The following LRRTM4 variants were observed in gnomAD, a reference collection of about 807,000 sequenced individuals.
LRRTM4 encodes the protein leucine rich repeat transmembrane neuronal 4.
In LRRTM4, 25 loss-of-function variants were observed where a neutral mutation model predicts 47.6. The ratio of observed to expected loss-of-function variants is 0.53; its 90% confidence interval spans 0.38 to 0.73. The LOEUF is 0.73. Ranked by LOEUF, LRRTM4 falls within the 30% of genes least tolerant of loss-of-function variation. The probability of loss-of-function intolerance (pLI) is 0.00; values close to 1 mark genes in which losing one functional copy is unlikely to be tolerated. For missense variants in LRRTM4, 638 were observed against 713.4 expected (o/e 0.89, Z 1.20); for synonymous variants, 311 against 269.5 (o/e 1.15, Z -1.51).
intron 3 of LRRTM4, among the ~76,000 whole-genome samples, chr2:76,903,162 G>T (rs1240402893): frequency 6.6e-6 from 1 of 152,030 alleles, no homozygotes; most frequent in East Asian, 1.9e-4. Flanking sequence ...AAGAGGTCAG[G>T]AGATCAAGAT....
chr2:77,476,964 ATG>A lies in LRRTM4; in HGVS notation c.1551+41352_1551+41353del, dbSNP rs59247356. ...ATTATGTATAATAAATTTGTAAGAG[ATG>A]TGTGTGTGTGTGTGTGTGTGTGTGT... On this transcript the variant is annotated intron_variant, in intron 3 of 3. Transcript: ENST00000409884. 9.5e-3 allele frequency among the ~76,000 whole-genome samples: 1,368 copies of A among 143,828 alleles called. 13 individuals are homozygous for A. The highest frequency in any genetic ancestry group is 0.025 in the African/African-American group (983 of 39,638). The allele number at this position is 143,828 out of a possible 152,430, so 94.4% of individuals were successfully genotyped here.
intron 3 of LRRTM4, among the ~76,000 whole-genome samples, chr2:76,932,221 G>A (rs1276247444): frequency 6.6e-6 from 1 of 152,052 alleles, no homozygotes; most frequent in African/African-American, 2.4e-5. Flanking sequence ...AACCTGAAAT[G>A]ACTGAACCTT....
intron 3 of LRRTM4, among the ~76,000 whole-genome samples, chr2:77,403,131 A>G (rs1223496102): frequency 6.6e-6 from 1 of 151,890 alleles, no homozygotes; most frequent in Admixed American, 6.6e-5. Context: ...TCCTAAAAAA[A>G]TGTCTCCCAG....
intron 3 of LRRTM4, among the ~76,000 whole-genome samples, chr2:77,051,950 T>C (rs1679446399): frequency 6.6e-6 from 1 of 152,158 alleles, no homozygotes. Flanking sequence ...TCTTAAATGC[T>C]TTCATTTCCA....
intron 3 of LRRTM4, among the ~76,000 whole-genome samples, chr2:77,439,715 C>A (rs1313462616): frequency 6.6e-6 from 1 of 151,964 alleles, no homozygotes; most frequent in Non-Finnish European, 1.5e-5. Flanking sequence ...TTTTTTGAAA[C>A]AGCAAAAGAA....
At chr2:77,196,491 C>T (rs1464808367) in intron 3 of LRRTM4, among the ~76,000 whole-genome samples, 1 of 152,138 alleles carries the variant, frequency 6.6e-6, no homozygotes, top group African/African-American at 2.4e-5. Flanking sequence ...CCCATGTAAT[C>T]CCAGCACTGT....
intron 3 of LRRTM4, among the ~76,000 whole-genome samples, chr2:77,310,547 T>G (rs1374641542): frequency 6.6e-6 from 1 of 152,140 alleles, no homozygotes; most frequent in African/African-American, 2.4e-5. Flanking sequence ...TTCTGTGGGT[T>G]TGATAACAGT....
chr2:77,223,065 A>G (rs1411039224), intron 3 of LRRTM4, among the ~76,000 whole-genome samples: 1 of 152,210 alleles, frequency 6.6e-6, no homozygotes, highest in African/African-American at 2.4e-5. Flanking sequence ...ACGAAAATCA[A>G]TAAACATAAT....
intron 3 of LRRTM4, among the ~76,000 whole-genome samples, chr2:76,876,241 T>C (rs1288427830): frequency 6.6e-6 from 1 of 152,174 alleles, no homozygotes; most frequent in Non-Finnish European, 1.5e-5. Context: ...CTTTAAATAA[T>C]GTTCTTTTAT....
chr2:76,909,269 G>T (rs1194952376), intron 3 of LRRTM4, among the ~76,000 whole-genome samples: 1 of 152,182 alleles, frequency 6.6e-6, no homozygotes, highest in Non-Finnish European at 1.5e-5. Flanking sequence ...AATAAATGGT[G>T]CTGGGAAAAC....
At chr2:77,494,001 G>C (rs1302358141) in intron 3 of LRRTM4, among the ~76,000 whole-genome samples, 2 of 152,008 alleles carry the variant, frequency 1.3e-5, no homozygotes, top group Admixed American at 1.3e-4. Context: ...GCAAAGCAAG[G>C]ATAGTTAAAA....
At chr2:77,176,294 G>A (rs1673197065) in intron 3 of LRRTM4, among the ~76,000 whole-genome samples, 1 of 152,108 alleles carries the variant, frequency 6.6e-6, no homozygotes, top group Admixed American at 6.6e-5. Flanking sequence ...CACTTTAGAT[G>A]CCATTTCTGA....
At chr2:77,236,394 A>G (rs894649527) in intron 3 of LRRTM4, among the ~76,000 whole-genome samples, 1 of 152,008 alleles carries the variant, frequency 6.6e-6, no homozygotes, top group African/African-American at 2.4e-5. Context: ...AAGTTGTTAC[A>G]TTAGTTCTAA....
At chr2:76,826,764 T>C (rs1021162004) in intron 3 of LRRTM4, among the ~76,000 whole-genome samples, 1 of 151,844 alleles carries the variant, frequency 6.6e-6, no homozygotes, top group Non-Finnish European at 1.5e-5. Flanking sequence ...ATTCAAGTAC[T>C]ATACAGCAGA....
rs556979731 is a variant in LRRTM4 at position 77,058,948 on chromosome 2, A to C, written c.1552-310032T>G. 1.6e-3 allele frequency among the ~76,000 whole-genome samples: 242 copies of C among 151,984 alleles called. 1 individual carries two copies. Among genetic ancestry groups the C allele is most frequent in the Non-Finnish European group, 2.0e-3 (139 of 68,016 alleles). On this transcript the variant is annotated intron_variant, in intron 3 of 3. Transcript: ENST00000409884. ...GTTTCTATAAATATACTTAGAAATT[A>C]GAGTTTTTTATTGAGTGAGTATTGA...
chr2:77,463,727 T>A (rs189392815), intron 3 of LRRTM4, among the ~76,000 whole-genome samples: 1 of 152,204 alleles, frequency 6.6e-6, no homozygotes, highest in East Asian at 1.9e-4. Context: ...ATATGAGTAA[T>A]GAAAGTGATG....
At chr2:77,346,081 C>T (rs777414506) in intron 3 of LRRTM4, among the ~76,000 whole-genome samples, 16 of 151,804 alleles carry the variant, frequency 1.1e-4, no homozygotes, top group Non-Finnish European at 2.1e-4. Flanking sequence ...AAAGGAGGTA[C>T]TATGGTGAGT....
At chr2:77,043,811 G>T (rs1442509592) in intron 3 of LRRTM4, among the ~76,000 whole-genome samples, 2 of 151,500 alleles carry the variant, frequency 1.3e-5, no homozygotes, top group Non-Finnish European at 1.5e-5. Flanking sequence ...AATAACTAAC[G>T]AATGTAAAGC....
chr2:76,791,584 T>C (rs1558655403), intron 3 of LRRTM4, among the ~76,000 whole-genome samples: 1 of 152,120 alleles, frequency 6.6e-6, no homozygotes, highest in Non-Finnish European at 1.5e-5. Flanking sequence ...TCCTACTCCA[T>C]TTACAGGACA....
Sources: allele counts gnomAD v4.1 joint callset (sites outside exome capture counted in the v4.1 genomes callset), GRCh38; gene constraint gnomAD v4.1.1; transcripts MANE v1.5; gene names NCBI Gene and HGNC (gene_info 2026-07-23, HGNC 2026-07-21).